Variants in ST3GAL3 observed in about 807,000 individuals in gnomAD.
The protein encoded by ST3GAL3 is CMP-N-acetylneuraminate-beta-1,4-galactoside alpha-2,3-sialyltransferase.
ST3GAL3 carries 21 observed loss-of-function variants against 50.1 expected under a neutral mutation model. That is an observed-to-expected ratio of 0.42 (90% CI 0.30 to 0.60). The LOEUF (loss-of-function observed/expected upper bound fraction) is 0.60, where lower values mean the gene tolerates loss of function less well. Among genes scored for constraint, ST3GAL3 ranks in the 20% least tolerant of loss-of-function variants. The pLI, the probability that ST3GAL3 is intolerant of heterozygous loss-of-function variation, is 0.19. For synonymous variants in ST3GAL3, 183 were observed against 190.0 expected (o/e 0.96, Z 0.30); for missense variants, 353 against 489.4 (o/e 0.72, Z 2.63).
Position 43,840,579 on chromosome 1 carries a change from A to C in ST3GAL3, c.302+2268A>C, listed in dbSNP as rs183487177. Reference sequence around the variant, plus strand: ...GTTAAGTACCTGATGTCTGTCACCCACACCTATTTGCACACTCCCTCCCCT... The same window carrying C: ...GTTAAGTACCTGATGTCTGTCACCCCCACCTATTTGCACACTCCCTCCCCT... On this transcript the variant is annotated intron_variant, in intron 5 of 11. Transcript: ENST00000347631. 5.3e-5 allele frequency: 8 copies of C among 152,124 alleles called. No homozygotes were observed. The East Asian group carries it at 1.5e-3, about 29-fold the overall frequency. 9.4% of individuals were successfully genotyped at this position (152,124 alleles called of 1,614,324 possible).
At chr1:43,831,037 T>A (rs1239523076) in intron 4 of ST3GAL3, among the ~76,000 whole-genome samples, 1 of 152,224 alleles carries the variant, frequency 6.6e-6, no homozygotes, top group African/African-American at 2.4e-5. Flanking sequence ...TATTCACTGA[T>A]CTTCCCATCA....
chr1:43,746,187 G>A (rs1035594309), intron 2 of ST3GAL3, among the ~76,000 whole-genome samples: 1 of 152,216 alleles, frequency 6.6e-6, no homozygotes, highest in African/African-American at 2.4e-5. Flanking sequence ...TGCAGCATGG[G>A]TGGACCTTGA....
At position 43,749,827 on chromosome 1, in the gene ST3GAL3, A is replaced by G. The variant is rs188495327; in HGVS notation, c.118+13447A>G. On this transcript the variant is annotated intron_variant, in intron 2 of 11. Transcript: ENST00000347631. ...TGAATGCCATTATAAAAAGGGCTTG[A>G]CAGAGAGAGTTTGGTCCCTTTTTGC... 2.5e-3 allele frequency among the ~76,000 whole-genome samples: 385 copies of G among 152,224 alleles called. 5 individuals carry two copies. The highest frequency in any genetic ancestry group is 7.9e-3 in the Admixed American group (121 of 15,292).
At chr1:43,920,727 C>A in intron 10 of ST3GAL3, 55 bp from the exon 11 acceptor site, 1 of 1,613,078 alleles carries the variant, frequency 6.2e-7, no homozygotes, top group Non-Finnish European at 8.5e-7. Context: ...TCAGCTGTCC[C>A]AGCCCTCCAG....
At chr1:43,799,609 C>T (rs573263247) in intron 3 of ST3GAL3, 1 of 152,292 alleles carries the variant, frequency 6.6e-6, no homozygotes, top group Admixed American at 6.5e-5. Flanking sequence ...GCCCTCATGA[C>T]CTAATTACCT....
chr1:43,774,346 A>G (rs986780543), intron 2 of ST3GAL3, among the ~76,000 whole-genome samples: 4 of 152,042 alleles, frequency 2.6e-5, no homozygotes, highest in African/African-American at 9.7e-5. Context: ...AAAAGGAAGT[A>G]TTTTCTGTCT....
intron 4 of ST3GAL3, among the ~76,000 whole-genome samples, chr1:43,832,825 G>C: frequency 6.6e-6 from 1 of 152,162 alleles, no homozygotes; most frequent in East Asian, 1.9e-4. Context: ...TCTAGTACTT[G>C]GAGAAAGGCA....
At chr1:43,736,150 TTC>T (rs1678318169) in intron 1 of ST3GAL3, 81 bp from the exon 2 acceptor site, 1 of 1,319,314 alleles carries the variant, frequency 7.6e-7, no homozygotes, top group Non-Finnish European at 1.1e-6. Flanking sequence ...CATTTGGAAA[TTC>T]TCTCTATAGA....
At chr1:43,889,203 T>TACACACACACACAC (rs59739550) in intron 5 of ST3GAL3, among the ~76,000 whole-genome samples, 15 of 148,048 alleles carry the variant, frequency 1.0e-4, no homozygotes, top group African/African-American at 3.2e-4. Context: ...GGAACAGGAA[T>TACACACACACACAC]ACACACACAC....
intron 5 of ST3GAL3, among the ~76,000 whole-genome samples, chr1:43,862,714 C>A (rs1477377186): frequency 6.7e-6 from 1 of 149,362 alleles, no homozygotes; most frequent in Non-Finnish European, 1.5e-5. Context: ...TTGAAACCAG[C>A]CTGGGAAACA....
intron 9 of ST3GAL3, among the ~76,000 whole-genome samples, chr1:43,905,950 T>C (rs1435589259): frequency 4.7e-5 from 2 of 42,522 alleles, no homozygotes; most frequent in Non-Finnish European, 4.7e-5. Flanking sequence ...CTCCTGCTCC[T>C]CTCCCACCAC....
At chr1:43,831,214 A>T (rs2063500226) in intron 4 of ST3GAL3, among the ~76,000 whole-genome samples, 1 of 152,228 alleles carries the variant, frequency 6.6e-6, no homozygotes, top group South Asian at 2.1e-4. Context: ...TTTGGGAAGA[A>T]CAGGAGAGAG....
intron 2 of ST3GAL3, among the ~76,000 whole-genome samples, chr1:43,753,011 CTT>C (rs1686745842): frequency 6.6e-6 from 1 of 152,144 alleles, no homozygotes; most frequent in African/African-American, 2.4e-5. Context: ...AGTCAGAAAT[CTT>C]ATTGATGTAA....
At chr1:43,924,954 C>T (rs996996591) in intron 11 of ST3GAL3, among the ~76,000 whole-genome samples, 2 of 152,090 alleles carry the variant, frequency 1.3e-5, no homozygotes, top group Admixed American at 6.6e-5. Flanking sequence ...CTCTGAGGCT[C>T]CCAGCATCTG....
intron 5 of ST3GAL3, among the ~76,000 whole-genome samples, chr1:43,849,250 T>TC (rs1249240861): frequency 2.0e-5 from 3 of 151,046 alleles, no homozygotes; most frequent in African/African-American, 2.4e-5. Flanking sequence ...TTTTTTTTTT[T>TC]CATATGGGTA....
intron 5 of ST3GAL3, among the ~76,000 whole-genome samples, chr1:43,859,951 GTTCACCC>G (rs2154229483): frequency 6.6e-6 from 1 of 152,308 alleles, no homozygotes; most frequent in African/African-American, 2.4e-5. Flanking sequence ...CCAGCTATAT[GTTCACCC>G]TTAGGCCGCT....
At chr1:43,885,594 G>A (rs2075856996) in intron 5 of ST3GAL3, among the ~76,000 whole-genome samples, 1 of 152,142 alleles carries the variant, frequency 6.6e-6, no homozygotes, top group African/African-American at 2.4e-5. Flanking sequence ...CCTCCACCCT[G>A]GCCAGGCCCC....
intron 2 of ST3GAL3, among the ~76,000 whole-genome samples, chr1:43,759,060 C>T (rs994112214): frequency 1.1e-5 from 1 of 89,128 alleles, no homozygotes; most frequent in South Asian, 3.7e-4. Context: ...CAAACAAAAG[C>T]GCGCGCACAC....
intron 3 of ST3GAL3, among the ~76,000 whole-genome samples, chr1:43,811,568 A>T (rs2060566292): frequency 6.6e-6 from 1 of 152,152 alleles, no homozygotes; most frequent in African/African-American, 2.4e-5. Context: ...CTCCAGGCAG[A>T]TCTTCTGGAA....
Sources: allele counts gnomAD v4.1 joint callset (sites outside exome capture counted in the v4.1 genomes callset), GRCh38; gene constraint gnomAD v4.1.1; transcripts MANE v1.5; gene names NCBI Gene and HGNC (gene_info 2026-07-23, HGNC 2026-07-21).